The following DTNA variants were observed in gnomAD, a reference collection of about 807,000 sequenced individuals.
DTNA encodes the protein dystrophin-related protein 3.
DTNA carries 43 observed loss-of-function variants against 100.7 expected under a neutral mutation model. That is an observed-to-expected ratio of 0.43 (90% CI 0.33 to 0.55). The LOEUF is 0.55. Among genes scored for constraint, DTNA ranks in the 20% least tolerant of loss-of-function variants. The pLI, the probability that DTNA is intolerant of heterozygous loss-of-function variation, is 0.04. For synonymous variants in DTNA, 349 were observed against 347.9 expected (o/e 1.00, Z -0.04); for missense variants, 798 against 953.9 (o/e 0.84, Z 2.15).
chr18:34,594,174 G>T (rs1469817852), intron 1 of DTNA, among the ~76,000 whole-genome samples: 4 of 152,010 alleles, frequency 2.6e-5, no homozygotes, highest in African/African-American at 9.7e-5. Context: ...TTGCTAAGTG[G>T]ATGGAGGCGT....
At chr18:34,609,886 A>G (rs530303342) in intron 1 of DTNA, among the ~76,000 whole-genome samples, 2 of 152,342 alleles carry the variant, frequency 1.3e-5, no homozygotes, top group South Asian at 4.1e-4. Flanking sequence ...AACCATCAAG[A>G]ATGATTAACA....
intron 1 of DTNA, among the ~76,000 whole-genome samples, chr18:34,535,248 G>A (rs1234588993): frequency 6.6e-6 from 1 of 152,142 alleles, no homozygotes; most frequent in African/African-American, 2.4e-5. Flanking sequence ...GACCAGTGAT[G>A]ATGAGCTTTT....
intron 1 of DTNA, among the ~76,000 whole-genome samples, chr18:34,658,974 G>A (rs7243721): frequency 0.015 from 2,239 of 152,322 alleles, 44 homozygotes; most frequent in African/African-American, 0.048. Flanking sequence ...TATGGAGTAT[G>A]TTGCACTGTT....
intron 1 of DTNA, among the ~76,000 whole-genome samples, chr18:34,620,309 T>C (rs1448818064): frequency 6.6e-6 from 1 of 152,240 alleles, no homozygotes; most frequent in Non-Finnish European, 1.5e-5. Context: ...AAGAACGTTT[T>C]TTAAATGTCA....
intron 3 of DTNA, among the ~76,000 whole-genome samples, chr18:34,769,302 C>T (rs2093641731): frequency 6.6e-6 from 1 of 152,076 alleles, no homozygotes; most frequent in African/African-American, 2.4e-5. Context: ...AAGTTGAAAC[C>T]TTCCTTCTAG....
chr18:34,827,899 A>G (rs2095897250), intron 10 of DTNA, among the ~76,000 whole-genome samples: 2 of 152,174 alleles, frequency 1.3e-5, no homozygotes, highest in Admixed American at 1.3e-4. Context: ...TGCATTTATA[A>G]TTTACCCACA....
At chr18:34,836,829 T>G (rs746097452) in intron 11 of DTNA, among the ~76,000 whole-genome samples, 32 of 152,224 alleles carry the variant, frequency 2.1e-4, no homozygotes, top group Admixed American at 4.6e-4. Flanking sequence ...AATATTAAAT[T>G]TATCAGATAC....
intron 11 of DTNA, among the ~76,000 whole-genome samples, chr18:34,836,197 G>A (rs1404397125): frequency 6.6e-6 from 1 of 152,104 alleles, no homozygotes; most frequent in Non-Finnish European, 1.5e-5. Flanking sequence ...CAGTTTTGGT[G>A]GTATAATGGT....
At chr18:34,685,220 T>A (rs2078708807) in intron 1 of DTNA, among the ~76,000 whole-genome samples, 1 of 152,226 alleles carries the variant, frequency 6.6e-6, no homozygotes, top group Non-Finnish European at 1.5e-5. Flanking sequence ...TGCCCATGCC[T>A]ATGTCCTAAA....
At position 34,812,112 on chromosome 18, in the gene DTNA, A is replaced by G. The variant is rs1378499251; in HGVS notation, c.602A>G (p.Gln201Arg). ...EQSARSCFSQQKKVTLNGFLD... is the reference protein window; with the variant it reads ...EQSARSCFSQRKKVTLNGFLD... ...TCAGCCAGATCCTGTTTCTCCCAAC[A>G]GGTAGGAGAAAAATATGTTTAAGGA... Residue 201 changes from glutamine (Q) to arginine (R), a missense_variant and splice_region_variant, in exon 6 of 23, where the codon CAG (glutamine) becomes CGG (arginine). Around this residue, in one of 6 missense-constraint regions of DTNA, gnomAD observed 81 missense variants for 153.5 expected, o/e 0.53. Transcript: ENST00000444659. The G allele has an allele frequency of 3.7e-6, 6 of 1,614,020 alleles. No homozygotes were observed. The South Asian group carries it at 6.6e-5, about 18-fold the overall frequency.
At chr18:34,558,097 G>A in intron 1 of DTNA, 7 of 153,486 alleles carry the variant, frequency 4.6e-5, no homozygotes, top group South Asian at 2.1e-4. Context: ...GCTGGTCCGA[G>A]AAGCGCAATA....
intron 1 of DTNA, among the ~76,000 whole-genome samples, chr18:34,753,361 A>ATTTTTTTTTTTTTT (rs751756097): frequency 2.1e-5 from 2 of 96,888 alleles, no homozygotes; most frequent in African/African-American, 1.1e-4. Context: ...TTATTTATTT[A>ATTTTTTTTTTTTTT]TTTTATTTTT....
chr18:34,815,892 G>A lies in DTNA; in HGVS notation c.604-17G>A, dbSNP rs762367187. On this transcript the variant is annotated splice_polypyrimidine_tract_variant and intron_variant, in intron 6 of 22. Coordinates refer to ENST00000444659, the MANE Select transcript of DTNA (RefSeq NM_001386795.1). ...ATGATTCTCTGTCCTAAATTTATGG[G>A]GGGTTTTTTTATGCAGAAAAAAGTC... is the stretch of plus-strand genomic sequence containing the variant. The A allele has an allele frequency of 1.2e-6, 2 of 1,605,718 alleles. No homozygotes were observed. Among genetic ancestry groups the A allele is most frequent in the Non-Finnish European group, 1.7e-6 (2 of 1,172,532 alleles).
intron 1 of DTNA, among the ~76,000 whole-genome samples, chr18:34,623,926 G>A (rs543227094): frequency 2.6e-5 from 4 of 152,136 alleles, no homozygotes; most frequent in East Asian, 1.9e-4. Context: ...CAGATGTGGC[G>A]CTTTCATAAC....
intron 1 of DTNA, among the ~76,000 whole-genome samples, chr18:34,522,593 AAC>A (rs1389704352): frequency 1.3e-5 from 2 of 152,126 alleles, no homozygotes; most frequent in African/African-American, 4.8e-5. Context: ...GTTCTATGTT[AAC>A]TGATGCCTGA....
chr18:34,753,190 C>T (rs953564453), intron 1 of DTNA, among the ~76,000 whole-genome samples: 6 of 152,002 alleles, frequency 3.9e-5, no homozygotes, highest in Non-Finnish European at 2.9e-5. Context: ...CGAAACCTTA[C>T]AGAGAAACAG....
intron 3 of DTNA, among the ~76,000 whole-genome samples, chr18:34,776,256 G>C (rs1187399393): frequency 6.6e-6 from 1 of 152,172 alleles, no homozygotes; most frequent in Admixed American, 6.5e-5. Context: ...GGAGAGAGAA[G>C]TCAAAAGTCA....
intron 1 of DTNA, among the ~76,000 whole-genome samples, chr18:34,537,021 C>A (rs1601605693): frequency 1.3e-5 from 2 of 152,014 alleles, no homozygotes; most frequent in Non-Finnish European, 1.5e-5. Context: ...AATTCAGGGA[C>A]AATAAAAGAT....
intron 1 of DTNA, among the ~76,000 whole-genome samples, chr18:34,660,657 T>C (rs2075057959): frequency 1.3e-5 from 2 of 152,104 alleles, no homozygotes; most frequent in Admixed American, 1.3e-4. Context: ...GCCTGTTACT[T>C]GGAGACTTCA....
Sources: gnomAD v4.1 joint callset for allele counts (sites outside exome capture counted in the v4.1 genomes callset) on GRCh38, gnomAD v4.1.1 for gene constraint, gnomAD v4.1.1 regional missense constraint, MANE v1.5 for transcripts, NCBI Gene and HGNC (gene_info 2026-07-23, HGNC 2026-07-21) for gene names.